Variants in LPP observed in about 807,000 individuals in gnomAD.
The protein encoded by LPP is lipoma-preferred partner.
A neutral mutation model predicts 60.4 loss-of-function variants in LPP; 38 were observed. That is an observed-to-expected ratio of 0.63 (90% CI 0.49 to 0.83). The LOEUF (loss-of-function observed/expected upper bound fraction) is 0.83. Among genes scored for constraint, LPP ranks in the 40% least tolerant of loss-of-function variants. The pLI is 0.00. For missense variants in LPP, 902 were observed against 783.6 expected, an observed-to-expected ratio of 1.15 and a Z score of -1.80; for synonymous variants, 328 against 290.8, an observed-to-expected ratio of 1.13 and a Z score of -1.30.
At chr3:188,350,693 C>T (rs1030220239) in intron 3 of LPP, among the ~76,000 whole-genome samples, 1 of 152,194 alleles carries the variant, frequency 6.6e-6, no homozygotes, top group Admixed American at 6.5e-5. Context: ...AGGCCTGGGA[C>T]CCAGGTGTCC....
At chr3:188,552,927 A>G (rs751060930) in intron 6 of LPP, among the ~76,000 whole-genome samples, 1 of 152,154 alleles carries the variant, frequency 6.6e-6, no homozygotes, top group African/African-American at 2.4e-5. Flanking sequence ...TGCTTATCAC[A>G]GTCTGTTTTT....
chr3:188,753,881 A>G (rs560037213), intron 8 of LPP, among the ~76,000 whole-genome samples: 1 of 152,200 alleles, frequency 6.6e-6, no homozygotes, highest in Admixed American at 6.6e-5. Flanking sequence ...TGAACCTTCA[A>G]GCCTCTCTAT....
chr3:188,752,026 A>G (rs1728242168), intron 8 of LPP, among the ~76,000 whole-genome samples: 1 of 152,310 alleles, frequency 6.6e-6, no homozygotes, highest in South Asian at 2.1e-4. Flanking sequence ...AGTCCAAAGC[A>G]TGTGCCTTTC....
At chr3:188,252,020 T>C (rs952946253) in intron 2 of LPP, among the ~76,000 whole-genome samples, 1 of 132,332 alleles carries the variant, frequency 7.6e-6, no homozygotes, top group Non-Finnish European at 1.6e-5. Context: ...CTGGTATTTC[T>C]TTTTAATCCT....
At chr3:188,508,257 A>G (rs1814154080) in intron 5 of LPP, among the ~76,000 whole-genome samples, 2 of 152,204 alleles carry the variant, frequency 1.3e-5, no homozygotes, top group South Asian at 4.1e-4. Flanking sequence ...GGGAGAATAC[A>G]TATCCTTCCT....
chr3:188,814,912 C>T (rs1381440893), intron 9 of LPP, among the ~76,000 whole-genome samples: 1 of 152,186 alleles, frequency 6.6e-6, no homozygotes, highest in African/African-American at 2.4e-5. Context: ...GGACAAGTTA[C>T]TTTACCCAAC....
chr3:188,375,260 T>C (rs1352654640), intron 3 of LPP, among the ~76,000 whole-genome samples: 2 of 152,236 alleles, frequency 1.3e-5, no homozygotes, highest in East Asian at 1.9e-4. Context: ...TTCTGTTGAT[T>C]GCAATAGTTT....
chr3:188,434,054 A>G (rs1791693065), intron 4 of LPP, among the ~76,000 whole-genome samples: 1 of 152,140 alleles, frequency 6.6e-6, no homozygotes, highest in Non-Finnish European at 1.5e-5. Flanking sequence ...TTGAGAAGTA[A>G]TAGGAAGACG....
intron 2 of LPP, among the ~76,000 whole-genome samples, chr3:188,264,567 T>G (rs917446183): frequency 8.5e-5 from 13 of 152,158 alleles, no homozygotes; most frequent in African/African-American, 3.1e-4. Flanking sequence ...ATTTTTAAAA[T>G]GAGGTAGGGG....
chr3:188,338,740 T>G (rs547335267), intron 2 of LPP, among the ~76,000 whole-genome samples: 3 of 152,228 alleles, frequency 2.0e-5, no homozygotes, highest in African/African-American at 7.2e-5. Context: ...TACTCTTATA[T>G]TGCTTATTGA....
chr3:188,539,317 T>A (rs1378039019), intron 6 of LPP, among the ~76,000 whole-genome samples: 1 of 152,112 alleles, frequency 6.6e-6, no homozygotes, highest in African/African-American at 2.4e-5. Flanking sequence ...TAAGCGTACA[T>A]GGTAAGAAAG....
chr3:188,276,595 A>G (rs376700593), intron 2 of LPP, among the ~76,000 whole-genome samples: 1 of 151,746 alleles, frequency 6.6e-6, no homozygotes, highest in South Asian at 2.1e-4. Flanking sequence ...TGACTTGGTG[A>G]TGTCTTTGTG....
chr3:188,862,029 C>G (rs1217364356), intron 9 of LPP, among the ~76,000 whole-genome samples: 2 of 152,224 alleles, frequency 1.3e-5, no homozygotes, highest in African/African-American at 4.8e-5. Flanking sequence ...CCTTCCACAG[C>G]TCGTTACCAA....
At chr3:188,209,379 G>A (rs964338107) in intron 1 of LPP, among the ~76,000 whole-genome samples, 2 of 152,172 alleles carry the variant, frequency 1.3e-5, no homozygotes, top group African/African-American at 4.8e-5. Context: ...GGCCTTGACG[G>A]CGAACAGTGC....
chr3:188,764,712 GGAGTCTGGGCCTAGGGACA>G (rs1733459100), intron 9 of LPP, among the ~76,000 whole-genome samples: 1 of 152,180 alleles, frequency 6.6e-6, no homozygotes, highest in Non-Finnish European at 1.5e-5. Context: ...GCATTACCAA[GGAGTCTGGGCCTAGGGACA>G]GAGTGCATCA....
chr3:188,707,428 C>T (rs1865704669), intron 7 of LPP, among the ~76,000 whole-genome samples: 1 of 152,206 alleles, frequency 6.6e-6, no homozygotes, highest in East Asian at 1.9e-4. Flanking sequence ...GCGCCAAAGC[C>T]CCAAAGTCCA....
At position 188,250,724 on chromosome 3, in the gene LPP, CTCTTTCTTTCTTTCTTTCTTTCTT is replaced by C. The variant is rs768358623; in HGVS notation, c.-67+25237_-67+25260del. On this transcript the variant is annotated intron_variant, in intron 2 of 11. Coordinates refer to ENST00000617246, the MANE Select transcript of LPP (RefSeq NM_001375462.1). ...TTTCCTCTTTCTTTTCTTTCTTTCTCTCTTTCTTTCTTTCTTTCTTTCTTTCTTTCTTTCTTTCTTTCTTTCTTT... is the reference window on the plus strand; with the variant it reads ...TTTCCTCTTTCTTTTCTTTCTTTCTCTCTTTCTTTCTTTCTTTCTTTCTTT... 6.0e-3 allele frequency among the ~76,000 whole-genome samples: 716 copies of C among 118,594 alleles called. 5 individuals carry two copies. The highest frequency in any genetic ancestry group is 9.8e-3 in the Non-Finnish European group (556 of 56,462). The allele number at this position is 118,594 out of a possible 152,430, so 77.8% of individuals were successfully genotyped here.
At chr3:188,713,389 G>GAA (rs34959281) in intron 8 of LPP, among the ~76,000 whole-genome samples, 40 of 144,560 alleles carry the variant, frequency 2.8e-4, no homozygotes, top group Non-Finnish European at 4.1e-4. Flanking sequence ...AATTCTGGAT[G>GAA]AAAAAAAAAA....
At chr3:188,477,865 AT>A (rs1385758391) in intron 4 of LPP, among the ~76,000 whole-genome samples, 1 of 152,198 alleles carries the variant, frequency 6.6e-6, no homozygotes, top group African/African-American at 2.4e-5. Context: ...TATTAAATAA[AT>A]GATAACGTTA....
Sources: allele counts gnomAD v4.1 joint callset (sites outside exome capture counted in the v4.1 genomes callset), GRCh38; gene constraint gnomAD v4.1.1; transcripts MANE v1.5; gene names NCBI Gene and HGNC (gene_info 2026-07-23, HGNC 2026-07-21).